RSRC1: variants seen among roughly 807,000 people sequenced by gnomAD.
RSRC1 encodes arginine and serine rich coiled-coil 1.
In RSRC1, 39 loss-of-function variants were observed where a neutral mutation model predicts 49.1. The ratio of observed to expected loss-of-function variants is 0.79; its 90% confidence interval spans 0.61 to 1.04. The LOEUF is 1.04. Among genes scored for constraint, RSRC1 ranks in the 50% least tolerant of loss-of-function variants. The pLI is 0.00. For synonymous variants in RSRC1, 143 were observed against 130.8 expected (o/e 1.09, Z -0.63); for missense variants, 388 against 402.4 (o/e 0.96, Z 0.31).
intron 7 of RSRC1, among the ~76,000 whole-genome samples, chr3:158,511,307 C>T (rs533239350): frequency 6.6e-6 from 1 of 152,050 alleles, no homozygotes; most frequent in South Asian, 2.1e-4. Context: ...CTTCCTGTGT[C>T]CATGTGTTCT....
At chr3:158,293,840 G>T (rs550189355) in intron 4 of RSRC1, among the ~76,000 whole-genome samples, 1 of 152,158 alleles carries the variant, frequency 6.6e-6, no homozygotes, top group African/African-American at 2.4e-5. Context: ...TATCTTGAGA[G>T]TTGTTATTAC....
intron 6 of RSRC1, among the ~76,000 whole-genome samples, chr3:158,438,868 C>T (rs1199073688): frequency 1.7e-4 from 18 of 109,022 alleles, no homozygotes; most frequent in African/African-American, 7.7e-5. Context: ...AAACTACTAT[C>T]GGAGTGACAG....
intron 3 of RSRC1, among the ~76,000 whole-genome samples, chr3:158,169,792 G>A (rs1460412612): frequency 1.3e-5 from 2 of 152,020 alleles, no homozygotes; most frequent in Non-Finnish European, 2.9e-5. Context: ...CCCTCTCTGG[G>A]TTGACTGTTA....
intron 6 of RSRC1, among the ~76,000 whole-genome samples, chr3:158,433,065 A>C (rs1268072853): frequency 6.6e-6 from 1 of 151,954 alleles, no homozygotes. Context: ...AAAACAGAGA[A>C]AAAAGATCAC....
rs532570159 is a variant in RSRC1, at chr3:158,456,164, T to C, written c.584-4771T>C. 3.3e-5 allele frequency among the ~76,000 whole-genome samples: 5 copies of C among 152,138 alleles called. No homozygotes were observed. In the South Asian group the frequency reaches 8.3e-4, roughly 25 times the overall value. Reference sequence around the variant, plus strand: ...CTTAAAATAATATACATGTGTTTTTTGCTCATGTCACAGTATAATGCAAGT... The same window carrying C: ...CTTAAAATAATATACATGTGTTTTTCGCTCATGTCACAGTATAATGCAAGT... On this transcript the variant is annotated intron_variant, in intron 6 of 9. Transcript: ENST00000611884.
chr3:158,122,783 A>G (rs1369951482), intron 2 of RSRC1, among the ~76,000 whole-genome samples: 2 of 151,862 alleles, frequency 1.3e-5, no homozygotes, highest in African/African-American at 2.4e-5. Context: ...CCTGTGTCCA[A>G]GAGTTCTCAT....
chr3:158,137,634 A>T (rs1024891282), intron 3 of RSRC1, among the ~76,000 whole-genome samples: 2 of 150,172 alleles, frequency 1.3e-5, no homozygotes, highest in Non-Finnish European at 3.0e-5. Flanking sequence ...CTAGTGACAA[A>T]ATAGGTGACT....
At chr3:158,324,032 T>C (rs1728922059) in intron 5 of RSRC1, among the ~76,000 whole-genome samples, 1 of 152,246 alleles carries the variant, frequency 6.6e-6, no homozygotes, top group African/African-American at 2.4e-5. Flanking sequence ...TATTTTCTTT[T>C]GGTAAAAATT....
At position 158,460,971 on chromosome 3, in the gene RSRC1, A is replaced by G. The variant is rs746325898; in HGVS notation, c.620A>G (p.Asn207Ser). The change falls in exon 7 of 10, where the codon AAT becomes AGT. Residue 207 changes from asparagine (N) to serine (S), a missense_variant. Coordinates refer to ENST00000611884, the MANE Select transcript of RSRC1 (RefSeq NM_001271838.2). ...ADEALKAKERNEEEAKRRKEE... is the reference protein window; with the variant it reads ...ADEALKAKERSEEEAKRRKEE... Reference sequence around the variant, plus strand: ...GAAGCATTGAAAGCCAAAGAAAGAAATGAGGAAGAAGCAAAGAGAAGAAAG... The same window carrying G: ...GAAGCATTGAAAGCCAAAGAAAGAAGTGAGGAAGAAGCAAAGAGAAGAAAG... The G allele has an allele frequency of 6.3e-7, 1 of 1,599,648 alleles. No individual in the cohort carries two copies. Among genetic ancestry groups the G allele is most frequent in the African/African-American group, 1.3e-5 (1 of 74,346 alleles).
chr3:158,388,831 G>A (rs548927649), intron 6 of RSRC1, among the ~76,000 whole-genome samples: 3 of 151,956 alleles, frequency 2.0e-5, no homozygotes, highest in African/African-American at 7.3e-5. Context: ...GGATGGTCTC[G>A]ATCTCCTGAC....
chr3:158,220,351 G>A (rs1722162919), intron 4 of RSRC1, among the ~76,000 whole-genome samples: 1 of 151,376 alleles, frequency 6.6e-6, no homozygotes, highest in African/African-American at 2.4e-5. Flanking sequence ...GAGTCCTTTG[G>A]GCCTCAGTCC....
chr3:158,390,745 C>T (rs2108293712), intron 6 of RSRC1, among the ~76,000 whole-genome samples: 1 of 152,158 alleles, frequency 6.6e-6, no homozygotes, highest in Admixed American at 6.5e-5. Flanking sequence ...ATGGTTATTT[C>T]TGATTTTAAT....
At chr3:158,140,448 G>C (rs1716676948) in intron 3 of RSRC1, among the ~76,000 whole-genome samples, 1 of 152,160 alleles carries the variant, frequency 6.6e-6, no homozygotes, top group South Asian at 2.1e-4. Context: ...TGGCCTTTCT[G>C]ACTGTAACAG....
At chr3:158,344,556 G>T (rs1730442130) in intron 5 of RSRC1, among the ~76,000 whole-genome samples, 1 of 152,074 alleles carries the variant, frequency 6.6e-6, no homozygotes, top group African/African-American at 2.4e-5. Context: ...TTTTTAAAAA[G>T]ACATACAAAA....
In RSRC1 at chr3:158,440,098, C is replaced by T. The variant is rs1036834495; in HGVS notation, c.584-20837C>T. ...TGTATACCTATGTAACAAACCTGCA[C>T]GTTCTACTCATGTGTCCCAGAACTT... On this transcript the variant is annotated intron_variant, in intron 6 of 9. Transcript: ENST00000611884. Among the ~76,000 whole-genome samples the T allele has an allele frequency of 3.9e-5, 6 of 152,026 alleles. No individual in the cohort carries two copies. In the South Asian group the frequency reaches 6.2e-4, roughly 16 times the overall value.
At chr3:158,117,123 G>A (rs542887998) in intron 1 of RSRC1, among the ~76,000 whole-genome samples, 37 of 152,146 alleles carry the variant, frequency 2.4e-4, no homozygotes, top group African/African-American at 7.7e-4. Context: ...GCTAGTCTCC[G>A]TTGTTTTCTG....
intron 7 of RSRC1, among the ~76,000 whole-genome samples, chr3:158,500,768 C>G (rs1739557638): frequency 6.6e-6 from 1 of 151,984 alleles, no homozygotes. Context: ...CTGGGTTAAT[C>G]TTGTTAATTA....
At chr3:158,191,242 G>A (rs143412827) in intron 3 of RSRC1, among the ~76,000 whole-genome samples, 1 of 152,050 alleles carries the variant, frequency 6.6e-6, no homozygotes, top group East Asian at 1.9e-4. Context: ...ATTTAGTAGG[G>A]AGTGAAATTA....
chr3:158,474,972 T>C (rs79567007), intron 7 of RSRC1, among the ~76,000 whole-genome samples: 1,829 of 152,246 alleles, frequency 0.012, 13 homozygotes, highest in Non-Finnish European at 0.018. Context: ...TGAAATATGG[T>C]GGTATGATCT....
Sources: gnomAD v4.1 joint callset for allele counts (sites outside exome capture counted in the v4.1 genomes callset) on GRCh38, gnomAD v4.1.1 for gene constraint, MANE v1.5 for transcripts, NCBI Gene and HGNC (gene_info 2026-07-23, HGNC 2026-07-21) for gene names.